GLRA2: variants seen among roughly 807,000 people sequenced by gnomAD.
GLRA2 encodes the protein glycine receptor alpha 2.
In GLRA2, 11 loss-of-function variants were observed where a neutral mutation model predicts 31.6. The ratio of observed to expected loss-of-function variants is 0.35; its 90% CI spans 0.22 to 0.58. The LOEUF is 0.58. Among genes scored for constraint, GLRA2 ranks in the 20% least tolerant of loss-of-function variants. The pLI, the probability that GLRA2 is intolerant of heterozygous loss-of-function variation, is 0.84. For synonymous variants in GLRA2, 132 were observed against 134.0 expected, an observed-to-expected ratio of 0.99 and a Z score of 0.10; for missense variants, 212 against 351.8, an observed-to-expected ratio of 0.60 and a Z score of 3.18.
chrX:14,651,045 G>A (rs1955157129), intron 7 of GLRA2, among the ~76,000 whole-genome samples: 3 of 112,040 alleles, frequency 2.7e-5, no homozygotes, highest in Admixed American at 9.5e-5. Flanking sequence ...AGTAAAGATC[G>A]CTATAGTCCA....
chrX:14,714,571 T>C (rs1488772594), intron 8 of GLRA2, among the ~76,000 whole-genome samples: 4 of 111,739 alleles, frequency 3.6e-5, no homozygotes, highest in Non-Finnish European at 5.6e-5. Flanking sequence ...AGTTCCAAGA[T>C]TTCTGCTCAT....
intron 8 of GLRA2, among the ~76,000 whole-genome samples, chrX:14,703,089 C>T (rs1271719621): frequency 9.0e-6 from 1 of 111,711 alleles, no homozygotes; most frequent in East Asian, 2.8e-4. Flanking sequence ...GCAAAGCAGT[C>T]AGGGTCTAGA....
the GLRA2 span, among the ~76,000 whole-genome samples, chrX:14,523,820 G>A: frequency 9.0e-6 from 1 of 111,267 alleles, no homozygotes; most frequent in East Asian, 2.8e-4. Context: ...GTAACATCAA[G>A]GATCACCATT....
At chrX:14,570,659 A>C (rs2089870382) in intron 2 of GLRA2, among the ~76,000 whole-genome samples, 1 of 111,542 alleles carries the variant, frequency 9.0e-6, no homozygotes, top group Non-Finnish European at 1.9e-5. Context: ...GAATAGCACT[A>C]TTCTTCATGA....
At chrX:14,496,667 C>T in the GLRA2 span, among the ~76,000 whole-genome samples, 1 of 112,075 alleles carries the variant, frequency 8.9e-6, no homozygotes, top group South Asian at 3.7e-4. Flanking sequence ...CTTCATTAAT[C>T]CTCACAATAT....
chrX:14,561,193 C>T (rs2089729167), intron 2 of GLRA2, among the ~76,000 whole-genome samples: 1 of 112,273 alleles, frequency 8.9e-6, no homozygotes, highest in Admixed American at 9.4e-5. Flanking sequence ...CATCATTTCC[C>T]ATCCATTCTT....
intron 8 of GLRA2, among the ~76,000 whole-genome samples, chrX:14,711,095 G>A (rs1301765976): frequency 2.7e-5 from 3 of 112,105 alleles, no homozygotes; most frequent in African/African-American, 9.7e-5. Flanking sequence ...GAACTCAAAA[G>A]AGCCCTTCAT....
At chrX:14,697,864 T>G (rs1240611628) in intron 8 of GLRA2, among the ~76,000 whole-genome samples, 1 of 112,394 alleles carries the variant, frequency 8.9e-6, no homozygotes, top group Admixed American at 9.4e-5. Context: ...TTCATTTTTG[T>G]ATGATATAAA....
rs141982440 is a variant in GLRA2, at chrX:14,728,518, C to G, written c.1081-1689C>G. Among the ~76,000 whole-genome samples the G allele has an allele frequency of 4.2e-3, 466 of 112,129 alleles. 6 individuals are homozygous for G. Among genetic ancestry groups the G allele is most frequent in the African/African-American group, 0.014 (425 of 30,892 alleles). The stretch of plus-strand genomic sequence containing the variant: ...TTTCCCACCTGATTTTCCTAGAGAT[C>G]AAATTTACATGGCGAAGGATGACAT... On this transcript the variant is annotated intron_variant, in intron 8 of 8. Transcript: ENST00000218075.
At chrX:14,497,059 C>A in the GLRA2 span, among the ~76,000 whole-genome samples, 137 of 112,109 alleles carry the variant, frequency 1.2e-3, no homozygotes, top group African/African-American at 4.4e-3. Context: ...GAAGGGCTAC[C>A]AAACACCATG....
At chrX:14,531,270 A>C in intron 1 of GLRA2, 1 of 417,721 alleles carries the variant, frequency 2.4e-6, no homozygotes, top group South Asian at 3.1e-5. Context: ...TTCTTTGAAA[A>C]GCTGGCAAGA....
At chrX:14,615,603 T>A (rs905205810) in intron 7 of GLRA2, among the ~76,000 whole-genome samples, 3 of 110,674 alleles carry the variant, frequency 2.7e-5, no homozygotes, top group African/African-American at 9.9e-5. Flanking sequence ...TCTAGGAAAA[T>A]GTCCTGAAGG....
the GLRA2 span, among the ~76,000 whole-genome samples, chrX:14,465,661 T>C: frequency 1.2e-4 from 13 of 112,308 alleles, no homozygotes; most frequent in African/African-American, 4.2e-4. Flanking sequence ...GGTCTCAGTT[T>C]CTCAAGTGTC....
At chrX:14,473,058 A>G in the GLRA2 span, among the ~76,000 whole-genome samples, 1 of 111,471 alleles carries the variant, frequency 9.0e-6, no homozygotes, top group South Asian at 3.8e-4. Flanking sequence ...GTTCTAAGAC[A>G]TGAAAGGACC....
intron 7 of GLRA2, among the ~76,000 whole-genome samples, chrX:14,624,900 A>G (rs927553053): frequency 3.6e-5 from 4 of 111,208 alleles, no homozygotes; most frequent in Non-Finnish European, 5.7e-5. Flanking sequence ...AGTCCTGGAT[A>G]TCCTTGTTAA....
intron 2 of GLRA2, among the ~76,000 whole-genome samples, chrX:14,548,330 A>G (rs68192650): frequency 0.039 from 4,354 of 111,573 alleles, 224 homozygotes; most frequent in African/African-American, 0.14. Flanking sequence ...TATTTGTAAC[A>G]CAGCTGCTGC....
intron 2 of GLRA2, among the ~76,000 whole-genome samples, chrX:14,568,014 G>T (rs1248173592): frequency 8.9e-6 from 1 of 111,970 alleles, no homozygotes; most frequent in Non-Finnish European, 1.9e-5. Context: ...ATTAAGTCAT[G>T]AGTAGGAAGA....
intron 8 of GLRA2, among the ~76,000 whole-genome samples, chrX:14,721,760 C>T (rs1447515481): frequency 9.0e-6 from 1 of 111,600 alleles, no homozygotes; most frequent in Non-Finnish European, 1.9e-5. Flanking sequence ...TCTACTTGGA[C>T]ACTTAATGGC....
At chrX:14,527,707 T>A (rs1395866683), upstream of GLRA2, among the ~76,000 whole-genome samples, 1 of 112,203 alleles carries the variant, frequency 8.9e-6, no homozygotes. Flanking sequence ...TTCTTCTATC[T>A]TTATACCTAA....
Sources: allele counts gnomAD v4.1 joint callset (sites outside exome capture counted in the v4.1 genomes callset), GRCh38; gene constraint gnomAD v4.1.1; transcripts MANE v1.5; gene names NCBI Gene and HGNC (gene_info 2026-07-23, HGNC 2026-07-21).